Variants in MAT2A observed in about 807,000 individuals in gnomAD.
The protein encoded by MAT2A is methionine adenosyltransferase 2A.
MAT2A carries 3 observed loss-of-function variants against 43.9 expected under a neutral mutation model. The ratio of observed to expected loss-of-function variants is 0.07; its 90% confidence interval spans 0.03 to 0.18. The LOEUF is 0.18. Ranked by LOEUF, MAT2A falls within the 10% of genes least tolerant of loss-of-function variation. MAT2A has a pLI of 1.00. For synonymous variants in MAT2A, 200 were observed against 168.4 expected (o/e 1.19, Z -1.45); for missense variants, 204 against 489.0 (o/e 0.42, Z 5.50).
At chr2:85,543,242 C>G (rs1691524074) in intron 8 of MAT2A, 1 of 548,748 alleles carries the variant, frequency 1.8e-6, no homozygotes, top group African/African-American at 1.9e-5. Flanking sequence ...CTTAGGCTAA[C>G]CACTCTAGAG....
intron 1 of MAT2A, 45 bp from the exon 2 acceptor site, chr2:85,541,038 T>A (rs751467403): frequency 5.1e-6 from 7 of 1,385,552 alleles, no homozygotes; most frequent in African/African-American, 1.4e-5. Context: ...CATACATACT[T>A]TGTTTAAAGT....
chr2:85,541,716 A>T lies in MAT2A; in HGVS notation c.376A>T (p.Asn126Tyr). The T allele has an allele frequency of 6.2e-7, 1 of 1,614,212 alleles. No homozygotes were observed. Among genetic ancestry groups the T allele is most frequent in the Non-Finnish European group, 8.5e-7 (1 of 1,180,014 alleles). Residue 126 changes from asparagine to tyrosine, a missense_variant, in exon 4 of 9, where the codon AAT becomes TAT. By Grantham distance (143) the Asn-to-Tyr change is moderately radical (BLOSUM62 -2). Transcript: ENST00000306434. ...DIAQGVHLDR[N>Y]EEDIGAGDQG... is the part of the protein sequence containing the mutation. ...TGCTCAAGGTGTTCATCTTGACAGA[A>T]ATGAAGAAGACATTGGTGCTGGAGA...
At position 85,545,245 on chromosome 2, in the gene MAT2A, A is replaced by T. The variant is rs554866641; in HGVS notation, c.*1473A>T. ...TCTGGTTCTCAATTCCAACAGTTTA[A>T]TGAAGATCTAAATAAAATGCTAGGT... On this transcript the variant is annotated 3_prime_UTR_variant, in exon 9 of 9. Coordinates refer to ENST00000306434, the MANE Select transcript of MAT2A (RefSeq NM_005911.6). The T allele has an allele frequency of 2.6e-4, 39 of 152,712 alleles. No homozygotes were observed. The highest frequency in any genetic ancestry group is 6.5e-4 in the Admixed American group (10 of 15,294). 9.5% of individuals were successfully genotyped at this position (152,712 alleles called of 1,614,324 possible). A position where few individuals can be genotyped will look rare whatever the true frequency, so the allele number is the denominator to read the frequency against.
chr2:85,541,002 T>G, intron 1 of MAT2A, 81 bp from the exon 2 acceptor site: 1 of 857,384 alleles, frequency 1.2e-6, no homozygotes, highest in Non-Finnish European at 1.9e-6. Flanking sequence ...TTACAGATAG[T>G]AACAGGGAGG....
At chr2:85,540,807 G>A (rs1292231400) in intron 1 of MAT2A, among the ~76,000 whole-genome samples, 1 of 152,228 alleles carries the variant, frequency 6.6e-6, no homozygotes, top group Non-Finnish European at 1.5e-5. Context: ...CAGGTGCAGA[G>A]GGGTTTGGTA....
Position 85,543,845 on chromosome 2 carries a change from C to A in MAT2A, c.*73C>A. ...AGCCTTCAAGCTCTGAGGGAAAGGG[C>A]CCTCCTTCCTAAATTTTCCTGTCCT... On this transcript the variant is annotated 3_prime_UTR_variant, in exon 9 of 9. Coordinates refer to ENST00000306434, the MANE Select transcript of MAT2A (RefSeq NM_005911.6). 2 of 915,496 alleles carry A rather than the reference C, an allele frequency of 2.2e-6. No homozygotes were observed. The highest frequency in any genetic ancestry group is 3.3e-6 in the Non-Finnish European group (2 of 602,190). 56.7% of individuals were successfully genotyped at this position (915,496 alleles called of 1,614,324 possible). A position where few individuals can be genotyped will look rare whatever the true frequency, so the allele number is the denominator to read the frequency against.
chr2:85,543,553 T>G, intron 8 of MAT2A, 117 bp from the exon 9 acceptor site: 1 of 661,996 alleles, frequency 1.5e-6, no homozygotes, highest in Admixed American at 3.1e-5. Flanking sequence ...ACAAATTTTT[T>G]TCCTAGCATA....
Position 85,539,208 on chromosome 2 carries a change from T to C in MAT2A, c.-80T>C, listed in dbSNP as rs1691383623. The C allele has an allele frequency of 2.0e-6, 2 of 1,015,356 alleles. No individual in the cohort carries two copies. The highest frequency in any genetic ancestry group is 3.0e-6 in the Non-Finnish European group (2 of 668,924). 62.9% of individuals were successfully genotyped at this position (1,015,356 alleles called of 1,614,324 possible). A position where few individuals can be genotyped will look rare whatever the true frequency, so the allele number is the denominator to read the frequency against. Reference sequence around the variant, plus strand: ...CCCGCCTGCTACGAGTAGAACGCTGTCCGCAGCTTGCGCATTTCGCAGCCG... The same window carrying C: ...CCCGCCTGCTACGAGTAGAACGCTGCCCGCAGCTTGCGCATTTCGCAGCCG... On this transcript the variant is annotated 5_prime_UTR_variant, in exon 1 of 9. Transcript: ENST00000306434.
intron 1 of MAT2A, among the ~76,000 whole-genome samples, chr2:85,540,158 C>A (rs1285036858): frequency 6.6e-6 from 1 of 152,170 alleles, no homozygotes; most frequent in African/African-American, 2.4e-5. Flanking sequence ...TTTGTCCGCT[C>A]AACCGCCATT....
chr2:85,539,495 T>C (rs1287290581), intron 1 of MAT2A, 117 bp downstream of exon 1: 25 of 729,206 alleles, frequency 3.4e-5, no homozygotes, highest in South Asian at 6.8e-5. Context: ...CGCCGGGTGA[T>C]GGAAGAGCGG....
At chr2:85,539,602 TTTCA>T in intron 1 of MAT2A, 1 of 419,612 alleles carries the variant, frequency 2.4e-6, no homozygotes, top group Non-Finnish European at 4.2e-6. Context: ...CCCCCTCCCT[TTTCA>T]TTCGGTCGCG....
intron 8 of MAT2A, chr2:85,543,432 C>T: frequency 2.2e-6 from 1 of 447,390 alleles, no homozygotes; most frequent in South Asian, 3.9e-5. Flanking sequence ...TGAAATTTCT[C>T]AGAATAATGA....
At chr2:85,540,795 C>T (rs552547915) in intron 1 of MAT2A, among the ~76,000 whole-genome samples, 2 of 152,278 alleles carry the variant, frequency 1.3e-5, no homozygotes, top group African/African-American at 2.4e-5. Context: ...CTACCAGACT[C>T]CCAGGTGCAG....
intron 5 of MAT2A, 51 bp downstream of exon 5, chr2:85,542,023 A>C (rs761463429): frequency 1.2e-6 from 2 of 1,600,872 alleles, no homozygotes; most frequent in Non-Finnish European, 1.7e-6. Flanking sequence ...ATCAGCACAG[A>C]AGATCCATAA....
chr2:85,540,153 C>T (rs530952673), intron 1 of MAT2A, among the ~76,000 whole-genome samples: 1 of 152,186 alleles, frequency 6.6e-6, no homozygotes. Flanking sequence ...GAGGCTTTGT[C>T]CGCTCAACCG....
rs1328239893 is a variant in MAT2A, at chr2:85,544,079, C to T, written c.*307C>T. 3 of 200,136 alleles carry T rather than the reference C, an allele frequency of 1.5e-5. No homozygotes were observed. The highest frequency in any genetic ancestry group is 7.0e-5 in the African/African-American group (3 of 43,044). 12.4% of individuals were successfully genotyped at this position (200,136 alleles called of 1,614,324 possible). ...GAAATTGAACCTTTGTGCCCTATCA[C>T]CCAACGCTCCAAAGTCATAATTGCA... On this transcript the variant is annotated 3_prime_UTR_variant, in exon 9 of 9. Transcript: ENST00000306434.
rs538039936 is a variant in MAT2A at position 85,541,186 on chromosome 2, T to C, written c.169+26T>C. Reference sequence around the variant, plus strand: ...GTAGGTTCAGAATGTGCTTATCAACTGGTGGAAAGATAGCATAAAAATTAT... The same window carrying C: ...GTAGGTTCAGAATGTGCTTATCAACCGGTGGAAAGATAGCATAAAAATTAT... On this transcript the variant is annotated intron_variant, in intron 2 of 8. Transcript: ENST00000306434. 4.3e-6 allele frequency: 7 copies of C among 1,612,726 alleles called. No homozygotes were observed. The African/African-American group carries it at 8.0e-5, about 18-fold the overall frequency.
intron 8 of MAT2A, 59 bp downstream of exon 8, chr2:85,543,093 A>G: frequency 1.3e-6 from 2 of 1,570,642 alleles, no homozygotes; most frequent in Non-Finnish European, 8.7e-7. Flanking sequence ...GTGTGTGTAT[A>G]TACTTAAGGC....
intron 1 of MAT2A, among the ~76,000 whole-genome samples, chr2:85,540,518 A>C (rs1691447638): frequency 1.3e-5 from 2 of 152,210 alleles, no homozygotes; most frequent in Admixed American, 1.3e-4. Flanking sequence ...TAGAAAATTC[A>C]GAAAAACGAA....
Sources: gnomAD v4.1 joint callset for allele counts (sites outside exome capture counted in the v4.1 genomes callset) on GRCh38, gnomAD v4.1.1 for gene constraint, MANE v1.5 for transcripts, NCBI Gene and HGNC (gene_info 2026-07-23, HGNC 2026-07-21) for gene names.